GARIN1A: variants seen among roughly 807,000 people sequenced by gnomAD.
GARIN1A encodes the protein golgi associated RAB2 interactor 1A, also known as Golgi-associated RAB2 interactor protein 1A.
the GARIN1A span, among the ~76,000 whole-genome samples, chr7:128,698,816 A>G: frequency 6.6e-6 from 1 of 152,024 alleles, no homozygotes; most frequent in African/African-American, 2.4e-5. Context: ...CGAACTCCTG[A>G]CCTCAAGTGA....
At chr7:128,705,947 G>A in the GARIN1A span, among the ~76,000 whole-genome samples, 7 of 151,988 alleles carry the variant, frequency 4.6e-5, no homozygotes, top group East Asian at 1.9e-4. Flanking sequence ...GAGCCATGGC[G>A]CCCTGCCAAA....
chr7:128,672,555 C>A, the GARIN1A span: 3 of 1,601,732 alleles, frequency 1.9e-6, 1 homozygote, highest in Admixed American at 5.1e-5. Context: ...ATCCAGGTAC[C>A]CTCGTGGAGC....
At chr7:128,690,498 TAGG>T in the GARIN1A span, 2 of 152,114 alleles carry the variant, frequency 1.3e-5, no homozygotes, top group Admixed American at 6.5e-5. Context: ...CTCCTAATGG[TAGG>T]AGGAGACAAA....
At chr7:128,683,141 G>T in the GARIN1A span, 1 of 1,610,398 alleles carries the variant, frequency 6.2e-7, no homozygotes, top group Non-Finnish European at 8.5e-7. Context: ...ACCTAGGAGA[G>T]CACTTCTTGG....
At chr7:128,704,256 C>T in the GARIN1A span, among the ~76,000 whole-genome samples, 3 of 150,738 alleles carry the variant, frequency 2.0e-5, no homozygotes, top group South Asian at 2.1e-4. Context: ...ATGATAGTTT[C>T]GGGATGAAAC....
At chr7:128,674,519 A>G in the GARIN1A span, among the ~76,000 whole-genome samples, 1 of 152,278 alleles carries the variant, frequency 6.6e-6, no homozygotes, top group East Asian at 1.9e-4. Context: ...CTTCCTGCAC[A>G]TCACCATCAC....
At chr7:128,672,649 A>AG in the GARIN1A span, 329 of 124,370 alleles carry the variant, frequency 2.6e-3, 2 homozygotes, top group East Asian at 0.01. Context: ...GCCCTGGGGG[A>AG]GGGGGGGGCG....
the GARIN1A span, among the ~76,000 whole-genome samples, chr7:128,704,799 C>T: frequency 2.6e-5 from 4 of 152,174 alleles, no homozygotes; most frequent in African/African-American, 4.8e-5. Context: ...TCCTGCTGTG[C>T]GACCCGGGTT....
At chr7:128,706,183 A>T in the GARIN1A span, among the ~76,000 whole-genome samples, 2 of 151,986 alleles carry the variant, frequency 1.3e-5, no homozygotes, top group African/African-American at 4.8e-5. Context: ...CATTCTTTTG[A>T]CTTGTCTGCA....
At chr7:128,685,875 G>A in the GARIN1A span, 1 of 152,112 alleles carries the variant, frequency 6.6e-6, no homozygotes, top group African/African-American at 2.4e-5. Flanking sequence ...CCACTTCTTT[G>A]TCTTGGTTTA....
chr7:128,707,220 ATGTG>A, the GARIN1A span, among the ~76,000 whole-genome samples: 93,490 of 147,064 alleles, frequency 0.64, 30,003 homozygotes, highest in Middle Eastern at 0.78. Context: ...GTGTGTATGT[ATGTG>A]TGTGTGTGTG....
At chr7:128,679,407 G>A in the GARIN1A span, among the ~76,000 whole-genome samples, 1 of 151,992 alleles carries the variant, frequency 6.6e-6, no homozygotes, top group Non-Finnish European at 1.5e-5. Context: ...TGGCCAGGAT[G>A]GTCTCGATCT....
the GARIN1A span, among the ~76,000 whole-genome samples, chr7:128,700,774 A>G: frequency 2.0e-5 from 3 of 152,330 alleles, no homozygotes; most frequent in East Asian, 5.8e-4. Context: ...AGAATTCATG[A>G]CAGCCATCAA....
chr7:128,681,071 C>T, the GARIN1A span, among the ~76,000 whole-genome samples: 1 of 152,228 alleles, frequency 6.6e-6, no homozygotes, highest in African/African-American at 2.4e-5. Flanking sequence ...CCCTTCATAA[C>T]TTTTTCAGTG....
the GARIN1A span, chr7:128,697,712 C>CA: frequency 2.4e-5 from 4 of 163,420 alleles, no homozygotes; most frequent in Non-Finnish European, 5.2e-5. Flanking sequence ...CCACCCTGAA[C>CA]GCGCCCGATC....
the GARIN1A span, among the ~76,000 whole-genome samples, chr7:128,695,067 G>A: frequency 2.6e-5 from 4 of 152,204 alleles, no homozygotes; most frequent in Non-Finnish European, 5.9e-5. The surrounding 1 kb of genome is among the most constrained non-coding windows in gnomAD (Gnocchi z 4.5). Flanking sequence ...AGGGCTTAAG[G>A]AACTCTATTC....
At chr7:128,675,618 A>ATTC in the GARIN1A span, 457,259 of 1,576,070 alleles carry the variant, frequency 0.29, 69,164 homozygotes, top group East Asian at 0.5. Flanking sequence ...CAGCATCTGT[A>ATTC]TTCCACCCCT....
chr7:128,703,925 T>C, the GARIN1A span, among the ~76,000 whole-genome samples: 38 of 152,168 alleles, frequency 2.5e-4, 1 homozygote, highest in Non-Finnish European at 4.4e-5. Context: ...GGAGGATGCA[T>C]TACCCTGTGC....
At chr7:128,672,664 G>GCGGCGGGGGC in the GARIN1A span, 1 of 521,860 alleles carries the variant, frequency 1.9e-6, no homozygotes, top group Non-Finnish European at 3.2e-6. Context: ...GGGGCGGGGG[G>GCGGCGGGGGC]ACAAAGAAGC....
Sources: allele counts gnomAD v4.1 joint callset (sites outside exome capture counted in the v4.1 genomes callset), GRCh38; gene constraint gnomAD v4.1.1; non-coding constraint Gnocchi (gnomAD v3.1); transcripts MANE v1.5; gene names NCBI Gene and HGNC (gene_info 2026-07-23, HGNC 2026-07-21).